Variants in SPIDR observed in about 807,000 individuals in gnomAD.
SPIDR encodes scaffold protein involved in DNA repair.
SPIDR carries 93 observed loss-of-function variants against 104.6 expected under a neutral mutation model. The ratio of observed to expected loss-of-function variants is 0.89; its 90% CI spans 0.75 to 1.06. SPIDR has a LOEUF of 1.06. SPIDR is among the 50% of genes least tolerant of loss of function. SPIDR has a pLI of 0.00. For synonymous variants in SPIDR, 431 were observed against 416.9 expected, an observed-to-expected ratio of 1.03 and a Z score of -0.41; for missense variants, 1,154 against 1,111.2, an observed-to-expected ratio of 1.04 and a Z score of -0.55.
At chr8:47,368,426 T>C (rs1283603476) in intron 5 of SPIDR, among the ~76,000 whole-genome samples, 4 of 121,972 alleles carry the variant, frequency 3.3e-5, no homozygotes, top group African/African-American at 1.0e-4. Context: ...GCAGATGGCT[T>C]TCTGTGAAAT....
intron 3 of SPIDR, among the ~76,000 whole-genome samples, chr8:47,289,328 A>G (rs1415424868): frequency 6.6e-6 from 1 of 152,178 alleles, no homozygotes; most frequent in Non-Finnish European, 1.5e-5. Flanking sequence ...AATTTTATAA[A>G]TATCTAATCT....
At chr8:47,392,856 T>G (rs1435477792) in intron 5 of SPIDR, among the ~76,000 whole-genome samples, 5 of 152,240 alleles carry the variant, frequency 3.3e-5, no homozygotes, top group Non-Finnish European at 7.3e-5. Context: ...CGTTTATTCT[T>G]TAAGGCACAT....
intron 7 of SPIDR, among the ~76,000 whole-genome samples, chr8:47,429,960 A>G (rs1554687923): frequency 6.6e-6 from 1 of 152,110 alleles, no homozygotes; most frequent in Non-Finnish European, 1.5e-5. Context: ...TCCTAAAGCT[A>G]TCCCTCCTAT....
At chr8:47,608,929 A>G (rs981716764) in intron 10 of SPIDR, among the ~76,000 whole-genome samples, 1 of 152,094 alleles carries the variant, frequency 6.6e-6, no homozygotes, top group East Asian at 1.9e-4. Context: ...GGGTTTCACC[A>G]TGTTGGCCTG....
intron 17 of SPIDR, 172 bp from the exon 18 acceptor site, chr8:47,728,761 T>C: frequency 1.5e-6 from 1 of 655,390 alleles, no homozygotes; most frequent in Non-Finnish European, 2.5e-6. Context: ...GTTCATCCCT[T>C]GGACAGGCTG....
At chr8:47,348,698 A>G (rs1440813391) in intron 5 of SPIDR, among the ~76,000 whole-genome samples, 1 of 151,852 alleles carries the variant, frequency 6.6e-6, no homozygotes, top group Non-Finnish European at 1.5e-5. Context: ...GCTTCATTTC[A>G]TTCATTTGAT....
intron 7 of SPIDR, among the ~76,000 whole-genome samples, chr8:47,431,836 G>C (rs1477933590): frequency 6.6e-6 from 1 of 152,238 alleles, no homozygotes; most frequent in Non-Finnish European, 1.5e-5. Context: ...GTAAAGAAAT[G>C]TGTCTATTCA....
chr8:47,489,278 G>A lies in SPIDR; in HGVS notation c.1097+48736G>A, dbSNP rs371957810. Reference sequence around the variant, plus strand: ...TTGCTTCAAAAAGAATAAAATACCTGGGAATCCAACTTACAAGGGATGTGA... The same window carrying A: ...TTGCTTCAAAAAGAATAAAATACCTAGGAATCCAACTTACAAGGGATGTGA... On this transcript the variant is annotated intron_variant, in intron 8 of 19. Transcript: ENST00000297423. Among the ~76,000 whole-genome samples, 207 of 152,146 alleles carry A rather than the reference G, an allele frequency of 1.4e-3. 2 individuals are homozygous for A. The highest frequency in any genetic ancestry group is 3.1e-3 in the Admixed American group (47 of 15,284).
In SPIDR at chr8:47,713,635, G is replaced by C. The variant is rs750281272; in HGVS notation, c.2335G>C (p.Val779Leu). ...SATPVNSICS[V>L]QGTVVGVDES... ...AACACCTGTCAACTCCATCTGCAGT[G>C]TTCAAGGTAGGCAGCCATCTCACAG... is the stretch of plus-strand genomic sequence containing the variant. The change falls in exon 16 of 20, where the codon GTT becomes CTT. Residue 779 changes from valine to leucine, a missense_variant. Coordinates refer to ENST00000297423, the MANE Select transcript of SPIDR (RefSeq NM_001080394.4). The C allele has an allele frequency of 2.5e-6, 4 of 1,614,074 alleles. No homozygotes were observed.
chr8:47,620,112 A>G (rs1270497135), intron 10 of SPIDR, among the ~76,000 whole-genome samples: 1 of 152,212 alleles, frequency 6.6e-6, no homozygotes, highest in Non-Finnish European at 1.5e-5. Flanking sequence ...AGCAGGATAC[A>G]GATCAGAGAA....
chr8:47,487,873 T>G (rs1217805871), intron 8 of SPIDR, among the ~76,000 whole-genome samples: 32 of 152,122 alleles, frequency 2.1e-4, no homozygotes, highest in African/African-American at 6.8e-4. Context: ...GAGGGAAATT[T>G]ATCGCACTAA....
Position 47,521,935 on chromosome 8 carries a change from G to A in SPIDR, c.1098-73876G>A, listed in dbSNP as rs575437316. Among the ~76,000 whole-genome samples, 49 of 151,556 alleles carry A rather than the reference G, an allele frequency of 3.2e-4. 1 individual carries two copies. The highest frequency in any genetic ancestry group is 1.6e-3 in the East Asian group (8 of 5,064). ...TCCCAGCACTTGGGGAGGCGGAGGCGGGTGGATCACTTGAGGTCAGGAGTT... is the reference window on the plus strand; with the variant it reads ...TCCCAGCACTTGGGGAGGCGGAGGCAGGTGGATCACTTGAGGTCAGGAGTT... On this transcript the variant is annotated intron_variant, in intron 8 of 19. Coordinates refer to ENST00000297423, the MANE Select transcript of SPIDR (RefSeq NM_001080394.4).
At chr8:47,553,762 A>G (rs1045801167) in intron 8 of SPIDR, among the ~76,000 whole-genome samples, 2 of 152,202 alleles carry the variant, frequency 1.3e-5, no homozygotes, top group Non-Finnish European at 2.9e-5. Context: ...TGTCAAAGTC[A>G]TTCTCTGTCC....
intron 8 of SPIDR, among the ~76,000 whole-genome samples, chr8:47,519,974 C>A (rs753299205): frequency 6.6e-6 from 1 of 152,092 alleles, no homozygotes; most frequent in Non-Finnish European, 1.5e-5. Flanking sequence ...TTCTACCTCT[C>A]GTCATTATAT....
At chr8:47,270,998 T>C (rs2035200077) in intron 1 of SPIDR, among the ~76,000 whole-genome samples, 2 of 152,356 alleles carry the variant, frequency 1.3e-5, no homozygotes, top group South Asian at 4.1e-4. Flanking sequence ...GAATGTTTCA[T>C]GTTTACATTA....
intron 8 of SPIDR, among the ~76,000 whole-genome samples, chr8:47,554,218 A>G (rs2091001938): frequency 6.6e-6 from 1 of 152,194 alleles, no homozygotes; most frequent in South Asian, 2.1e-4. Flanking sequence ...TTGAGGAGGC[A>G]GTCTGTCCGT....
chr8:47,453,242 C>G (rs2072231832), intron 8 of SPIDR, among the ~76,000 whole-genome samples: 2 of 152,146 alleles, frequency 1.3e-5, no homozygotes, highest in South Asian at 4.1e-4. Context: ...AACAAACATT[C>G]CATGCTCATG....
intron 5 of SPIDR, among the ~76,000 whole-genome samples, chr8:47,337,742 G>A (rs1554610732): frequency 6.6e-6 from 1 of 151,412 alleles, no homozygotes; most frequent in Non-Finnish European, 1.5e-5. Flanking sequence ...GGTCCGTTTT[G>A]AATTAACTTT....
chr8:47,457,698 T>C (rs552950914), intron 8 of SPIDR, among the ~76,000 whole-genome samples: 1 of 152,258 alleles, frequency 6.6e-6, no homozygotes, highest in Admixed American at 6.5e-5. Flanking sequence ...TCCGATGTTA[T>C]CTTCTGGAAA....
Sources: gnomAD v4.1 joint callset for allele counts (sites outside exome capture counted in the v4.1 genomes callset) on GRCh38, gnomAD v4.1.1 for gene constraint, MANE v1.5 for transcripts, NCBI Gene and HGNC (gene_info 2026-07-23, HGNC 2026-07-21) for gene names.